The following ARHGEF4 variants were observed in gnomAD, a reference collection of about 807,000 sequenced individuals.
ARHGEF4 encodes Rho guanine nucleotide exchange factor 4.
ARHGEF4 carries 119 observed loss-of-function variants against 162.0 expected under a neutral mutation model. That is an observed-to-expected ratio of 0.73 (90% CI 0.63 to 0.86). The LOEUF is 0.86. ARHGEF4 is among the 40% of genes least tolerant of loss of function. The pLI is 0.00. For missense variants in ARHGEF4, 2,488 were observed against 2,456.0 expected (o/e 1.01, Z -0.28); for synonymous variants, 1,014 against 979.9 (o/e 1.03, Z -0.65).
chr2:130,850,875 A>G (rs1234890678), intron 1 of ARHGEF4, among the ~76,000 whole-genome samples: 4 of 152,190 alleles, frequency 2.6e-5, no homozygotes, highest in Non-Finnish European at 5.9e-5. Context: ...GGCCTCTGTC[A>G]TGCATGCGCT....
intron 4 of ARHGEF4, among the ~76,000 whole-genome samples, chr2:131,007,601 AT>A (rs1439219254): frequency 6.6e-6 from 1 of 152,062 alleles, no homozygotes; most frequent in African/African-American, 2.4e-5. Context: ...AAATCCTACC[AT>A]CCAAAAATAG....
chr2:131,043,697 C>T, intron 11 of ARHGEF4, 114 bp downstream of exon 11: 1 of 1,468,894 alleles, frequency 6.8e-7, no homozygotes. Context: ...ACCCGGGGAG[C>T]CTGGCCAGAC....
chr2:130,977,605 G>A lies in ARHGEF4; in HGVS notation c.3985+30970G>A, dbSNP rs558047292. Among the ~76,000 whole-genome samples, 15 of 151,970 alleles carry A rather than the reference G, an allele frequency of 9.9e-5. No homozygotes were observed. The East Asian group carries it at 1.7e-3, about 18-fold the overall frequency. ...TGTTGTGTATGTGTGGTGCATATGC[G>A]TTGCATATGTATGGTGTGTGCTGTG... On this transcript the variant is annotated intron_variant, in intron 4 of 13. Transcript: ENST00000409359.
At chr2:130,886,610 G>A (rs1335453261) in intron 1 of ARHGEF4, among the ~76,000 whole-genome samples, 3 of 151,558 alleles carry the variant, frequency 2.0e-5, no homozygotes, top group Non-Finnish European at 4.4e-5. Context: ...GAACCCGGGA[G>A]GTGGAGCTTG....
chr2:130,922,174 A>C (rs111276332), intron 2 of ARHGEF4, among the ~76,000 whole-genome samples: 27,850 of 151,738 alleles, frequency 0.18, 2,708 homozygotes, highest in South Asian at 0.29. Context: ...GTTCGAGACC[A>C]GCCTGACCAA....
chr2:130,843,478 G>A (rs1319746973), intron 1 of ARHGEF4, among the ~76,000 whole-genome samples: 1 of 152,184 alleles, frequency 6.6e-6, no homozygotes, highest in African/African-American at 2.4e-5. Flanking sequence ...TGCCTCCCCT[G>A]GGCTGTGCCT....
intron 1 of ARHGEF4, among the ~76,000 whole-genome samples, chr2:130,906,664 TC>T: frequency 6.6e-6 from 1 of 152,236 alleles, no homozygotes; most frequent in Non-Finnish European, 1.5e-5. Context: ...AACCCATAAC[TC>T]TGTGAGAAAT....
intron 4 of ARHGEF4, among the ~76,000 whole-genome samples, chr2:131,009,083 C>A (rs575325058): frequency 1.5e-4 from 23 of 152,314 alleles, no homozygotes; most frequent in African/African-American, 5.3e-4. Context: ...TTGTAGTAAT[C>A]ATTTGCTGGT....
At chr2:130,880,584 C>T (rs115750306) in intron 1 of ARHGEF4, among the ~76,000 whole-genome samples, 2,130 of 152,242 alleles carry the variant, frequency 0.014, 52 homozygotes, top group African/African-American at 0.048. Context: ...ACAGAGGCTG[C>T]AGTGCAGTGG....
At chr2:130,920,516 G>A (rs1352234091) in intron 2 of ARHGEF4, among the ~76,000 whole-genome samples, 1 of 152,006 alleles carries the variant, frequency 6.6e-6, no homozygotes, top group Non-Finnish European at 1.5e-5. Context: ...CAGGTACATA[G>A]GGAACGGGAA....
chr2:130,985,683 C>T (rs1686433107), intron 4 of ARHGEF4, among the ~76,000 whole-genome samples: 1 of 152,146 alleles, frequency 6.6e-6, no homozygotes, highest in African/African-American at 2.4e-5. Flanking sequence ...GGATCCATTT[C>T]TATGTTTATG....
intron 1 of ARHGEF4, among the ~76,000 whole-genome samples, chr2:130,850,045 T>C (rs1181062041): frequency 6.6e-6 from 1 of 152,224 alleles, no homozygotes; most frequent in East Asian, 1.9e-4. Context: ...GGCCAGTGTG[T>C]GGCATCCCAG....
rs148385346 is a variant in ARHGEF4, at chr2:130,873,990, G to C, written c.39+36998G>C. On this transcript the variant is annotated intron_variant, in intron 1 of 13. Coordinates refer to ENST00000409359, the MANE Select transcript of ARHGEF4 (RefSeq NM_001367493.1). ...GCTCTCCAGATTCAGGAGGGATGTG[G>C]ATGTTTTTGTCTGCCTCTGCCTTAG... 5.7e-3 allele frequency among the ~76,000 whole-genome samples: 874 copies of C among 152,308 alleles called. 7 individuals are homozygous for C. Among genetic ancestry groups the C allele is most frequent in the African/African-American group, 0.02 (834 of 41,560 alleles).
chr2:130,925,454 C>G (rs1682183040), intron 2 of ARHGEF4, among the ~76,000 whole-genome samples: 1 of 152,172 alleles, frequency 6.6e-6, no homozygotes, highest in Non-Finnish European at 1.5e-5. Context: ...CTAAATCTCA[C>G]AGTTTATTTA....
chr2:131,033,251 T>C (rs538512497), intron 5 of ARHGEF4, among the ~76,000 whole-genome samples: 10 of 152,338 alleles, frequency 6.6e-5, no homozygotes, highest in Admixed American at 2.6e-4. Context: ...CTCTGGGATA[T>C]AGAGGCTGGG....
At chr2:130,966,710 C>T (rs1685028349) in intron 4 of ARHGEF4, among the ~76,000 whole-genome samples, 1 of 152,208 alleles carries the variant, frequency 6.6e-6, no homozygotes, top group Non-Finnish European at 1.5e-5. Context: ...ACTGCTCACA[C>T]ACTCGCTGAT....
chr2:130,853,828 C>T (rs553489107), intron 1 of ARHGEF4, among the ~76,000 whole-genome samples: 1 of 152,286 alleles, frequency 6.6e-6, no homozygotes, highest in East Asian at 1.9e-4. Flanking sequence ...TACTGTGTGG[C>T]TCAGGAGGTG....
Position 130,935,804 on chromosome 2 carries a change from T to C in ARHGEF4, c.3858+4547T>C, listed in dbSNP as rs551367396. Among the ~76,000 whole-genome samples the C allele has an allele frequency of 5.7e-4, 87 of 152,340 alleles. 1 individual carries two copies. The highest frequency in any genetic ancestry group is 2.0e-3 in the African/African-American group (85 of 41,590). ...ATTTACTGGCCAGGCATGGTGGCCA[T>C]GCACGTAATCCCAGCACTTTGGGAG... is the stretch of plus-strand genomic sequence containing the variant. On this transcript the variant is annotated intron_variant, in intron 3 of 13. Transcript: ENST00000409359.
Position 130,838,372 on chromosome 2 carries a change from G to GT in ARHGEF4, c.39+1380_39+1381insT, listed in dbSNP as rs540043317. Reference sequence around the variant, plus strand: ...ATCTCAGCACTTTGGGAGGCCGAGTGGGGGGGGCGGATCGCCTGAGGTCAC... The same window carrying GT: ...ATCTCAGCACTTTGGGAGGCCGAGTGTGGGGGGGCGGATCGCCTGAGGTCAC... On this transcript the variant is annotated intron_variant, in intron 1 of 13. Coordinates refer to ENST00000409359, the MANE Select transcript of ARHGEF4 (RefSeq NM_001367493.1). Among the ~76,000 whole-genome samples, 34 of 145,930 alleles carry GT rather than the reference G, an allele frequency of 2.3e-4. No homozygotes were observed. In the East Asian group the frequency reaches 5.1e-3, roughly 22 times the overall value.
Sources: allele counts gnomAD v4.1 joint callset (sites outside exome capture counted in the v4.1 genomes callset), GRCh38; gene constraint gnomAD v4.1.1; transcripts MANE v1.5; gene names NCBI Gene and HGNC (gene_info 2026-07-23, HGNC 2026-07-21).